TMEM132D: variants seen among roughly 807,000 people sequenced by gnomAD.
The protein encoded by TMEM132D is mature OL transmembrane protein.
TMEM132D carries 21 observed loss-of-function variants against 62.3 expected under a neutral mutation model. The ratio of observed to expected loss-of-function variants is 0.34; its 90% CI spans 0.24 to 0.49. The LOEUF is 0.49. Ranked by LOEUF, TMEM132D falls within the 20% of genes least tolerant of loss-of-function variation. The pLI, the probability that TMEM132D is intolerant of heterozygous loss-of-function variation, is 0.99. For missense variants in TMEM132D, 1,346 were observed against 1,402.8 expected, an observed-to-expected ratio of 0.96 and a Z score of 0.65; for synonymous variants, 621 against 575.6, an observed-to-expected ratio of 1.08 and a Z score of -1.13.
intron 3 of TMEM132D, among the ~76,000 whole-genome samples, chr12:129,419,915 C>T (rs1034200057): frequency 1.3e-5 from 2 of 152,038 alleles, no homozygotes; most frequent in African/African-American, 2.4e-5. Flanking sequence ...TCACTTGAGG[C>T]TAATTTATTT....
intron 5 of TMEM132D, among the ~76,000 whole-genome samples, chr12:129,126,597 A>G (rs539531119): frequency 1.3e-5 from 2 of 152,276 alleles, no homozygotes; most frequent in African/African-American, 4.8e-5. Flanking sequence ...TGCCTGTGCC[A>G]TCAGGGTGGG....
At chr12:129,417,693 T>G (rs1265113190) in intron 3 of TMEM132D, among the ~76,000 whole-genome samples, 1 of 152,106 alleles carries the variant, frequency 6.6e-6, no homozygotes, top group African/African-American at 2.4e-5. Context: ...AGTGCCAAAA[T>G]TGACAAATGG....
chr12:129,427,772 A>G (rs1234061793), intron 3 of TMEM132D, among the ~76,000 whole-genome samples: 1 of 152,006 alleles, frequency 6.6e-6, no homozygotes, highest in African/African-American at 2.4e-5. Flanking sequence ...TCAAAACCAA[A>G]CCCAAACAAA....
At chr12:129,622,495 T>A (rs1322079794) in intron 2 of TMEM132D, among the ~76,000 whole-genome samples, 1 of 152,214 alleles carries the variant, frequency 6.6e-6, no homozygotes, top group Non-Finnish European at 1.5e-5. Context: ...TGACCGACTA[T>A]ATCCTACATC....
At chr12:129,350,539 A>T (rs1869830589) in intron 3 of TMEM132D, among the ~76,000 whole-genome samples, 2 of 152,294 alleles carry the variant, frequency 1.3e-5, no homozygotes, top group South Asian at 4.1e-4. Context: ...AATGAAGGGG[A>T]TGGGTAACAT....
intron 5 of TMEM132D, among the ~76,000 whole-genome samples, chr12:129,148,663 A>T (rs57499665): frequency 0.022 from 3,378 of 152,286 alleles, 95 homozygotes; most frequent in Admixed American, 0.057. Context: ...GTGCATTTTT[A>T]AAAAAGCCAG....
At chr12:129,831,652 G>T (rs1323445855) in intron 1 of TMEM132D, among the ~76,000 whole-genome samples, 1 of 152,078 alleles carries the variant, frequency 6.6e-6, no homozygotes, top group African/African-American at 2.4e-5. Flanking sequence ...ACAATGATTA[G>T]CCTCCTGCTT....
intron 3 of TMEM132D, among the ~76,000 whole-genome samples, chr12:129,441,255 T>C (rs937502220): frequency 2.0e-5 from 3 of 152,162 alleles, no homozygotes; most frequent in Non-Finnish European, 4.4e-5. Flanking sequence ...AAGTGCAGGA[T>C]CATTTCTCCA....
chr12:129,495,954 A>G (rs1280899674), intron 3 of TMEM132D, among the ~76,000 whole-genome samples: 3 of 152,212 alleles, frequency 2.0e-5, no homozygotes, highest in Non-Finnish European at 2.9e-5. Context: ...CAAGTCCATT[A>G]TGAAATAAAT....
chr12:129,363,837 T>G (rs1593351971), intron 3 of TMEM132D, among the ~76,000 whole-genome samples: 1 of 152,246 alleles, frequency 6.6e-6, no homozygotes, highest in Non-Finnish European at 1.5e-5. Flanking sequence ...AGATAAACTT[T>G]AAGTCAATGT....
chr12:129,303,100 G>A (rs1354376083), intron 4 of TMEM132D, among the ~76,000 whole-genome samples: 2 of 152,028 alleles, frequency 1.3e-5, no homozygotes, highest in Non-Finnish European at 2.9e-5. Flanking sequence ...CACATCAACC[G>A]GTGCCACCCA....
intron 1 of TMEM132D, among the ~76,000 whole-genome samples, chr12:129,799,137 C>T (rs1035224780): frequency 6.6e-5 from 10 of 151,940 alleles, no homozygotes; most frequent in South Asian, 2.1e-4. Context: ...TGGTGGCAGG[C>T]GCCTGTAATC....
chr12:129,230,245 C>T (rs540424538), intron 4 of TMEM132D, among the ~76,000 whole-genome samples: 1 of 150,130 alleles, frequency 6.7e-6, no homozygotes, highest in East Asian at 1.9e-4. Flanking sequence ...CCTTCCTCAG[C>T]TCCTTCTGTG....
intron 3 of TMEM132D, among the ~76,000 whole-genome samples, chr12:129,429,580 TTC>T (rs1445573702): frequency 3.1e-5 from 4 of 130,022 alleles, no homozygotes; most frequent in Non-Finnish European, 5.0e-5. Context: ...AGCTAATTCT[TTC>T]TTTTTTTTTT....
chr12:129,462,603 A>G (rs1004348789), intron 3 of TMEM132D, among the ~76,000 whole-genome samples: 1 of 152,210 alleles, frequency 6.6e-6, no homozygotes, highest in Non-Finnish European at 1.5e-5. Context: ...CAGCCCTCTG[A>G]CTATTGTGGG....
chr12:129,625,338 T>C (rs1249560857), intron 2 of TMEM132D, among the ~76,000 whole-genome samples: 1 of 152,226 alleles, frequency 6.6e-6, no homozygotes, highest in East Asian at 1.9e-4. Context: ...AACCTAATTT[T>C]CTCAAATAAA....
At chr12:129,194,459 G>A (rs909852158) in intron 5 of TMEM132D, among the ~76,000 whole-genome samples, 92 of 152,186 alleles carry the variant, frequency 6.0e-4, no homozygotes, top group Non-Finnish European at 2.4e-4. Context: ...GTCTACGTGA[G>A]GGTGGAGGGT....
chr12:129,268,199 T>C (rs1347111011), intron 4 of TMEM132D, among the ~76,000 whole-genome samples: 13 of 152,250 alleles, frequency 8.5e-5, no homozygotes, highest in Non-Finnish European at 1.3e-4. Flanking sequence ...CTAATTAAAC[T>C]GAAGAGCTTC....
intron 4 of TMEM132D, among the ~76,000 whole-genome samples, chr12:129,232,845 G>A (rs1253355187): frequency 6.6e-6 from 1 of 152,104 alleles, no homozygotes; most frequent in Admixed American, 6.6e-5. Context: ...GAGAGAGAGA[G>A]AGAGCACAAA....
Sources: allele counts gnomAD v4.1 joint callset (sites outside exome capture counted in the v4.1 genomes callset), GRCh38; gene constraint gnomAD v4.1.1; transcripts MANE v1.5; gene names NCBI Gene and HGNC (gene_info 2026-07-23, HGNC 2026-07-21).